Variants in CSNK1D observed in about 807,000 individuals in gnomAD.
CSNK1D encodes casein kinase I isoform delta.
A neutral mutation model predicts 46.6 loss-of-function variants in CSNK1D; 16 were observed. That is an observed-to-expected ratio of 0.34 (90% CI 0.23 to 0.52). The LOEUF (loss-of-function observed/expected upper bound fraction) is 0.52. CSNK1D is among the 20% of genes least tolerant of loss of function. CSNK1D has a pLI of 0.95. For synonymous variants in CSNK1D, 276 were observed against 228.2 expected (o/e 1.21, Z -1.89); for missense variants, 398 against 578.4 (o/e 0.69, Z 3.20).
At chr17:82,269,591 T>C (rs1329003171) in intron 1 of CSNK1D, among the ~76,000 whole-genome samples, 1 of 152,172 alleles carries the variant, frequency 6.6e-6, no homozygotes, top group Non-Finnish European at 1.5e-5. Context: ...AGGTAACAGG[T>C]GGACAAATGG....
intron 3 of CSNK1D, 34 bp from the exon 4 acceptor site, chr17:82,253,278 C>G (rs1302216042): frequency 6.4e-7 from 1 of 1,558,160 alleles, no homozygotes; most frequent in East Asian, 2.2e-5. Context: ...GATGGCACCC[C>G]AGGGCAGTCT....
chr17:82,251,334 C>G lies in CSNK1D; in HGVS notation c.885+45G>C. 1.2e-6 allele frequency: 2 copies of G among 1,612,476 alleles called. No homozygotes were observed. The highest frequency in any genetic ancestry group is 1.7e-6 in the Non-Finnish European group (2 of 1,178,878). On this transcript the variant is annotated intron_variant, in intron 6 of 8. Transcript: ENST00000314028. This position sits in a 1 kb window ranked among gnomAD's most constrained non-coding sequence, Gnocchi z 4.5. ...CGCCGGCCTCTCACTGACAAGCCAT[C>G]CCCCGCACACCACACTCAGCGAACG...
rs571020217 is a variant in CSNK1D at position 82,248,937 on chromosome 17, C to T, written c.1135G>A (p.Val379Ile). ...VSMRLHRGAP[V>I]NISSSDLTGR... is the part of the protein sequence containing the mutation. ...GTGAGGTCGGACGAGGAGATGTTGACGGGGGCCCCGCGGTGCAGCCGCATA... is the reference window on the plus strand; with the variant it reads ...GTGAGGTCGGACGAGGAGATGTTGATGGGGGCCCCGCGGTGCAGCCGCATA... The change falls in exon 8 of 9, where the codon GTC (valine) becomes ATC (isoleucine). Residue 379 changes from valine to isoleucine, a missense_variant. By Grantham distance (29) the Val-to-Ile change is conservative. This residue lies in a region of CSNK1D where 181 missense variants were observed against 208.0 expected (regional missense o/e 0.87). Coordinates refer to ENST00000314028, the MANE Select transcript of CSNK1D (RefSeq NM_001893.6). The surrounding 1 kb of genome is among the most constrained non-coding windows in gnomAD (Gnocchi z 4.1). 6.9e-6 allele frequency: 11 copies of T among 1,605,138 alleles called. No homozygotes were observed. The highest frequency in any genetic ancestry group is 4.5e-5 in the East Asian group (2 of 44,548).
chr17:82,255,389 G>A lies in CSNK1D; in HGVS notation c.336+40C>T. The A allele has an allele frequency of 6.2e-7, 1 of 1,612,086 alleles. No homozygotes were observed. The highest frequency in any genetic ancestry group is 8.5e-7 in the Non-Finnish European group (1 of 1,178,186). ...CACAAGCGAGTGGCTGATTCTATCA[G>A]ACAGCAAGTGTGTGCCAACTGTCAG... On this transcript the variant is annotated intron_variant, in intron 3 of 8. Coordinates refer to ENST00000314028, the MANE Select transcript of CSNK1D (RefSeq NM_001893.6). This position sits in a 1 kb window ranked among gnomAD's most constrained non-coding sequence, Gnocchi z 5.9.
chr17:82,263,876 G>A (rs1004785964), intron 2 of CSNK1D, among the ~76,000 whole-genome samples: 4 of 152,162 alleles, frequency 2.6e-5, no homozygotes, highest in Admixed American at 6.5e-5. Flanking sequence ...ACCAAGGGCC[G>A]CCAGACAGGC....
At position 82,245,300 on chromosome 17, in the gene CSNK1D, C is replaced by T. The variant is rs1333324913; in HGVS notation, c.1198-469G>A. ...CCCTGCTGGAAGGAGCCGCCGAGCG[C>T]GCGTGGCCGCCGAGGAGGGAGCACA... On this transcript the variant is annotated intron_variant, in intron 8 of 8. Transcript: ENST00000314028. 25 of 285,604 alleles carry T rather than the reference C, an allele frequency of 8.8e-5. No homozygotes were observed. In the East Asian group the frequency reaches 9.9e-4, roughly 11 times the overall value. 17.7% of individuals were successfully genotyped at this position (285,604 alleles called of 1,614,324 possible).
chr17:82,261,876 C>A (rs1023225102), intron 2 of CSNK1D, among the ~76,000 whole-genome samples: 5 of 152,226 alleles, frequency 3.3e-5, no homozygotes, highest in Admixed American at 2.6e-4. Flanking sequence ...GGCCCGGGTT[C>A]TACACACGTA....
chr17:82,247,747 G>A (rs1238325721), intron 8 of CSNK1D: 10 of 985,318 alleles, frequency 1.0e-5, no homozygotes, highest in Non-Finnish European at 1.1e-5. Flanking sequence ...TTCTCGTGAC[G>A]CAGCCCAGAC....
At chr17:82,256,752 T>C (rs1430490867) in intron 2 of CSNK1D, among the ~76,000 whole-genome samples, 2 of 151,320 alleles carry the variant, frequency 1.3e-5, no homozygotes, top group African/African-American at 4.9e-5. Flanking sequence ...TTTGGTCCTA[T>C]TTTTTTTTCT....
At position 82,248,401 on chromosome 17, in the gene CSNK1D, C is replaced by T. The variant is rs77302064; in HGVS notation, c.1197+474G>A. The T allele has an allele frequency of 4.1e-5, 41 of 1,003,624 alleles. No individual in the cohort carries two copies. The East Asian group carries it at 3.4e-3, about 82-fold the overall frequency. The allele number at this position is 1,003,624 out of a possible 1,614,324, so 62.2% of individuals were successfully genotyped here. On this transcript the variant is annotated intron_variant, in intron 8 of 8. Coordinates refer to ENST00000314028, the MANE Select transcript of CSNK1D (RefSeq NM_001893.6). The surrounding 1 kb of genome is among the most constrained non-coding windows in gnomAD (Gnocchi z 4.1). ...GAGGCCGTCAAAAGAAGGAAAGCCT[C>T]GTTGCAGGGCATGCCACCAGGGAGG...
At position 82,249,533 on chromosome 17, in the gene CSNK1D, G is replaced by A. The variant is rs2050944474; in HGVS notation, c.955C>T (p.Arg319Trp). 3 of 1,545,912 alleles carry A rather than the reference G, an allele frequency of 1.9e-6. No homozygotes were observed. The highest frequency in any genetic ancestry group is 1.7e-6 in the Non-Finnish European group (2 of 1,147,668). ...GGGAGGCCGCGGGTAGCCGGGTTCC[G>A]CGAGTGTCTCAGCCGCTCCTCTCGG... ...RDREERLRHS[R>W]NPATRGLPST... Residue 319 changes from arginine to tryptophan, a missense_variant, in exon 7 of 9, where the codon CGG (arginine) becomes TGG (tryptophan). Physicochemically the swap from Arg to Trp is moderately radical, Grantham distance 101 (BLOSUM62 -3). Coordinates refer to ENST00000314028, the MANE Select transcript of CSNK1D (RefSeq NM_001893.6). This position sits in a 1 kb window ranked among gnomAD's most constrained non-coding sequence, Gnocchi z 6.7.
rs192398501 is a variant in CSNK1D at position 82,247,736 on chromosome 17, A to G, written c.1197+1139T>C. The G allele has an allele frequency of 4.4e-5, 43 of 985,428 alleles. No homozygotes were observed. The African/African-American group carries it at 5.9e-4, about 14-fold the overall frequency. 61.0% of individuals were successfully genotyped at this position (985,428 alleles called of 1,614,324 possible). On this transcript the variant is annotated intron_variant, in intron 8 of 8. Transcript: ENST00000314028. Reference sequence around the variant, plus strand: ...AGGGTTGTGTGCACGTAAGGGACCCATTCTCGTGACGCAGCCCAGACCCCT... The same window carrying G: ...AGGGTTGTGTGCACGTAAGGGACCCGTTCTCGTGACGCAGCCCAGACCCCT...
At chr17:82,245,406 A>G (rs2050825629) in intron 8 of CSNK1D, 1 of 218,704 alleles carries the variant, frequency 4.6e-6, no homozygotes, top group Admixed American at 5.3e-5. Flanking sequence ...AGCTGCGTGG[A>G]CAAGACGGCT....
Position 82,273,635 on chromosome 17 carries a change from G to A in CSNK1D, c.-254C>T, listed in dbSNP as rs2051702390. The A allele has an allele frequency of 1.8e-6, 1 of 551,256 alleles. No homozygotes were observed. The highest frequency in any genetic ancestry group is 3.2e-6 in the Non-Finnish European group (1 of 314,946). 34.1% of individuals were successfully genotyped at this position (551,256 alleles called of 1,614,324 possible). A position where few individuals can be genotyped will look rare whatever the true frequency, so the allele number is the denominator to read the frequency against. On this transcript the variant is annotated 5_prime_UTR_variant, in exon 1 of 9. Coordinates refer to ENST00000314028, the MANE Select transcript of CSNK1D (RefSeq NM_001893.6). The surrounding 1 kb of genome is among the most constrained non-coding windows in gnomAD (Gnocchi z 5.1). The stretch of plus-strand genomic sequence containing the variant: ...CGCTTGCCCTCTCCCCGCCGCGGAT[G>A]GACTCGGATCTTCCGGGCCTAAATC...
At chr17:82,262,033 G>A (rs1231356741) in intron 2 of CSNK1D, among the ~76,000 whole-genome samples, 1 of 152,238 alleles carries the variant, frequency 6.6e-6, no homozygotes, top group Non-Finnish European at 1.5e-5. Flanking sequence ...ATTGGAAAGA[G>A]CAGTTACAAC....
chr17:82,242,427 C>G (rs528693200), downstream of CSNK1D, among the ~76,000 whole-genome samples: 1 of 152,292 alleles, frequency 6.6e-6, no homozygotes, highest in East Asian at 1.9e-4. Context: ...ACAGAAAGTG[C>G]GTGGACTTCT....
At chr17:82,240,101 C>A, downstream of CSNK1D, 1 of 1,225,726 alleles carries the variant, frequency 8.2e-7, no homozygotes, top group South Asian at 4.1e-5. Context: ...CATCTCAGGT[C>A]CAGCTGTCCC....
In CSNK1D at chr17:82,273,283, G is replaced by T. The variant is rs779169059; in HGVS notation, c.76+23C>A. On this transcript the variant is annotated intron_variant, in intron 1 of 8. Transcript: ENST00000314028. The surrounding 1 kb of genome is among the most constrained non-coding windows in gnomAD (Gnocchi z 5.1). ...CGCAGGGCCCGGGTCTTCGGGCGGC[G>T]GGCGGGGGCGGCGGGGCCTCACCGA... 81 of 1,596,852 alleles carry T rather than the reference G, an allele frequency of 5.1e-5. No individual in the cohort carries two copies. Among genetic ancestry groups the T allele is most frequent in the Non-Finnish European group, 6.5e-5 (76 of 1,173,400 alleles).
Position 82,252,424 on chromosome 17 carries a change from A to G in CSNK1D, c.736+10T>C, listed in dbSNP as rs564259531. ...GCAGCTCCGCTGAGAAGAGGCCTCCAGAGACTTACAAGGGTAGCCTTTACA... is the reference window on the plus strand; with the variant it reads ...GCAGCTCCGCTGAGAAGAGGCCTCCGGAGACTTACAAGGGTAGCCTTTACA... On this transcript the variant is annotated intron_variant, in intron 5 of 8. Transcript: ENST00000314028. This position sits in a 1 kb window ranked among gnomAD's most constrained non-coding sequence, Gnocchi z 4.6. 45 of 1,614,114 alleles carry G rather than the reference A, an allele frequency of 2.8e-5. No individual in the cohort carries two copies. In the East Asian group the frequency reaches 9.8e-4, roughly 35 times the overall value.
Sources: allele counts gnomAD v4.1 joint callset (sites outside exome capture counted in the v4.1 genomes callset), GRCh38; gene constraint gnomAD v4.1.1; regional missense constraint gnomAD v4.1.1; non-coding constraint Gnocchi (gnomAD v3.1); transcripts MANE v1.5; gene names NCBI Gene and HGNC (gene_info 2026-07-23, HGNC 2026-07-21).